The following WDR27 variants were observed in gnomAD, a reference collection of about 807,000 sequenced individuals.
WDR27 encodes WD repeat-containing protein 27.
WDR27 carries 100 observed loss-of-function variants against 114.4 expected under a neutral mutation model. The ratio of observed to expected loss-of-function variants is 0.87; its 90% confidence interval spans 0.74 to 1.03. WDR27 has a LOEUF of 1.03. WDR27 is among the 50% of genes least tolerant of loss of function. WDR27 has a pLI of 0.00. For missense variants in WDR27, 1,129 were observed against 1,092.9 expected (o/e 1.03, Z -0.47); for synonymous variants, 449 against 423.1 (o/e 1.06, Z -0.75).
At chr6:169,665,240 C>T (rs1313815291) in intron 7 of WDR27, 91 of 1,270,532 alleles carry the variant, frequency 7.2e-5, no homozygotes, top group Non-Finnish European at 8.6e-5. Flanking sequence ...TTTTGCTGCA[C>T]TCCAGAACCA....
chr6:169,573,857 T>C (rs1178033931), intron 24 of WDR27, among the ~76,000 whole-genome samples: 1 of 152,226 alleles, frequency 6.6e-6, no homozygotes, highest in Non-Finnish European at 1.5e-5. Context: ...ACATCACAGC[T>C]TTCTTTCGTC....
intron 21 of WDR27, among the ~76,000 whole-genome samples, chr6:169,617,315 C>T (rs759981058): frequency 3.3e-5 from 5 of 152,160 alleles, no homozygotes; most frequent in Non-Finnish European, 4.4e-5. Context: ...TATGTAGAGC[C>T]CACAGATTGG....
intron 21 of WDR27, among the ~76,000 whole-genome samples, chr6:169,615,639 G>A (rs1470714504): frequency 6.6e-6 from 1 of 152,102 alleles, no homozygotes; most frequent in Non-Finnish European, 1.5e-5. Flanking sequence ...AACTCAAGAT[G>A]GATTAGACTT....
intron 25 of WDR27, among the ~76,000 whole-genome samples, chr6:169,530,501 C>T (rs373206184): frequency 1.8e-4 from 27 of 152,344 alleles, no homozygotes; most frequent in African/African-American, 6.5e-4. Context: ...CCCACCTCTG[C>T]TCCTCAGTAT....
At chr6:169,431,934 T>G in the WDR27 span, among the ~76,000 whole-genome samples, 1 of 152,240 alleles carries the variant, frequency 6.6e-6, no homozygotes, top group Non-Finnish European at 1.5e-5. Context: ...ATTGCCTCAC[T>G]GCAAACTACG....
chr6:169,569,549 A>T (rs1421509565), intron 25 of WDR27, among the ~76,000 whole-genome samples: 4 of 152,238 alleles, frequency 2.6e-5, no homozygotes, highest in Non-Finnish European at 5.9e-5. Flanking sequence ...TAAAAATCTA[A>T]CAAAGCAAAC....
chr6:169,435,692 G>T, the WDR27 span, among the ~76,000 whole-genome samples: 1 of 152,200 alleles, frequency 6.6e-6, no homozygotes, highest in African/African-American at 2.4e-5. Flanking sequence ...TACTCCTATT[G>T]TATCTTGGAA....
At chr6:169,436,613 TAAAA>T in the WDR27 span, among the ~76,000 whole-genome samples, 1 of 152,092 alleles carries the variant, frequency 6.6e-6, no homozygotes, top group Non-Finnish European at 1.5e-5. Flanking sequence ...GTGTAATTGT[TAAAA>T]ATAAATAAAT....
intron 23 of WDR27, among the ~76,000 whole-genome samples, chr6:169,591,258 G>T (rs980947597): frequency 6.6e-6 from 1 of 152,130 alleles, no homozygotes; most frequent in Non-Finnish European, 1.5e-5. Flanking sequence ...CCATCTGTAT[G>T]TGTTCTTAAG....
chr6:169,456,784 G>C (rs544780829), downstream of WDR27, among the ~76,000 whole-genome samples: 8 of 146,574 alleles, frequency 5.5e-5, no homozygotes, highest in African/African-American at 2.0e-4. The surrounding 1 kb of genome is among the most constrained non-coding windows in gnomAD (Gnocchi z 4.0). Flanking sequence ...AGAGACCACG[G>C]TCACCACACA....
At chr6:169,575,047 G>C (rs900272948) in intron 24 of WDR27, among the ~76,000 whole-genome samples, 3 of 152,098 alleles carry the variant, frequency 2.0e-5, no homozygotes, top group Admixed American at 2.0e-4. Context: ...ACTTAAACCA[G>C]TACCCCCCAA....
Position 169,668,030 on chromosome 6 carries a change from G to C in WDR27, c.612C>G (p.Pro204=). 6.2e-7 allele frequency: 1 copy of C among 1,613,998 alleles called. No individual in the cohort carries two copies. Among genetic ancestry groups the C allele is most frequent in the Non-Finnish European group, 8.5e-7 (1 of 1,179,898 alleles). Residue 204 remains proline (P), a synonymous_variant, in exon 5 of 26, where the codon CCC becomes CCG. Transcript: ENST00000448612. ...CCGAGATGAGGGTGCCTGCTCGCCAGGGACAGAACTCCACCGCAGTCACCG... is the reference window on the plus strand; with the variant it reads ...CCGAGATGAGGGTGCCTGCTCGCCACGGACAGAACTCCACCGCAGTCACCG... ...LGPVTAVEFC[P]WRAGTLISAS...
In WDR27 at chr6:169,659,249, G is replaced by A. The variant is rs752598579; in HGVS notation, c.1198-42C>T. On this transcript the variant is annotated intron_variant, in intron 11 of 25. Coordinates refer to ENST00000448612, the MANE Select transcript of WDR27 (RefSeq NM_182552.5). The surrounding 1 kb of genome is among the most constrained non-coding windows in gnomAD (Gnocchi z 4.3). Reference sequence around the variant, plus strand: ...TCAACATCGTTAGCGACACCACCCAGTAAAAGCAGACGAAACGTGCATCCG... The same window carrying A: ...TCAACATCGTTAGCGACACCACCCAATAAAAGCAGACGAAACGTGCATCCG... 1.3e-6 allele frequency: 2 copies of A among 1,564,708 alleles called. No individual in the cohort carries two copies. The highest frequency in any genetic ancestry group is 3.7e-5 in the Admixed American group (2 of 53,880).
At chr6:169,568,475 T>G (rs1423365030) in intron 25 of WDR27, among the ~76,000 whole-genome samples, 1 of 152,126 alleles carries the variant, frequency 6.6e-6, no homozygotes, top group African/African-American at 2.4e-5. Context: ...TTCAAGTCAC[T>G]GCACTCACTA....
At chr6:169,434,490 G>A in the WDR27 span, among the ~76,000 whole-genome samples, 3 of 152,170 alleles carry the variant, frequency 2.0e-5, no homozygotes, top group Non-Finnish European at 4.4e-5. Flanking sequence ...TAGCCTTGTA[G>A]TATAGTTTGA....
chr6:169,512,335 T>G (rs1426896134), intron 25 of WDR27, among the ~76,000 whole-genome samples: 1 of 152,192 alleles, frequency 6.6e-6, no homozygotes, highest in African/African-American at 2.4e-5. Context: ...AAATGTCATT[T>G]CAACTTTATG....
At chr6:169,501,248 T>C (rs73789980) in intron 25 of WDR27, among the ~76,000 whole-genome samples, 2,732 of 152,082 alleles carry the variant, frequency 0.018, 85 homozygotes, top group African/African-American at 0.062. Context: ...TGAAGCAGAG[T>C]GGCCCGGCAG....
intron 2 of WDR27, among the ~76,000 whole-genome samples, chr6:169,688,517 A>C (rs1402523542): frequency 1.3e-5 from 2 of 152,120 alleles, no homozygotes; most frequent in African/African-American, 4.8e-5. Flanking sequence ...GAGAAACGTC[A>C]ATCTAAACAT....
intron 24 of WDR27, among the ~76,000 whole-genome samples, chr6:169,580,977 T>C (rs1336550898): frequency 6.9e-6 from 1 of 145,046 alleles, no homozygotes; most frequent in East Asian, 2.1e-4. Flanking sequence ...ATAAATTCGG[T>C]ATATGATATC....
Sources: gnomAD v4.1 joint callset for allele counts (sites outside exome capture counted in the v4.1 genomes callset) on GRCh38, gnomAD v4.1.1 for gene constraint, Gnocchi (gnomAD v3.1) non-coding constraint, MANE v1.5 for transcripts, NCBI Gene and HGNC (gene_info 2026-07-23, HGNC 2026-07-21) for gene names.